Variants in GCNA observed in about 807,000 individuals in gnomAD.
GCNA encodes germ cell nuclear acidic peptidase, also known as germ cell nuclear acidic protein.
A neutral mutation model predicts 38.8 loss-of-function variants in GCNA; 3 were observed. That is an observed-to-expected ratio of 0.08 (90% CI 0.04 to 0.20). The LOEUF (loss-of-function observed/expected upper bound fraction) is 0.20, where lower values mean the gene tolerates loss of function less well. Among genes scored for constraint, GCNA ranks in the 10% least tolerant of loss-of-function variants. GCNA has a pLI of 1.00. For synonymous variants in GCNA, 195 were observed against 240.2 expected (o/e 0.81, Z 1.74); for missense variants, 446 against 578.6 (o/e 0.77, Z 2.35).
chrX:71,602,872 A>G (rs1423710150), intron 7 of GCNA, among the ~76,000 whole-genome samples: 1 of 111,382 alleles, frequency 9.0e-6, no homozygotes, highest in Non-Finnish European at 1.9e-5. Context: ...TGTCCTGGAG[A>G]TTTTCCTCAA....
At chrX:71,606,798 A>G (rs191731159) in intron 9 of GCNA, among the ~76,000 whole-genome samples, 1 of 111,632 alleles carries the variant, frequency 9.0e-6, no homozygotes, top group African/African-American at 3.3e-5. Flanking sequence ...TACATATTTA[A>G]GCTGCTTTGC....
Position 71,603,653 on chromosome X carries a change from G to A in GCNA, c.376G>A (p.Asp126Asn). The A allele has an allele frequency of 8.3e-7, 1 of 1,211,793 alleles. No homozygotes were observed. The highest frequency in any genetic ancestry group is 3.0e-5 in the East Asian group (1 of 33,854). ...IQEPPIVISDDDNDDDNGNDL... is the reference protein window; with the variant it reads ...IQEPPIVISDNDNDDDNGNDL... ...GGAACCTCCAATAGTTATTAGTGAT[G>A]ATGACAATGACGATGACAACGGTAA... The change falls in exon 8 of 13, where the codon GAT (aspartate) becomes AAT (asparagine). Residue 126 changes from aspartate to asparagine, a missense_variant. Physicochemically the swap from Asp to Asn is conservative, Grantham distance 23. Transcript: ENST00000373696.
chrX:71,605,818 T>C, intron 9 of GCNA, 89 bp downstream of exon 9: 2 of 774,711 alleles, frequency 2.6e-6, no homozygotes, highest in East Asian at 7.1e-5. Context: ...GGGGGTGGTC[T>C]GCAAGGGGAT....
chrX:71,594,222 T>G (rs1287687849), intron 4 of GCNA, 109 bp from the exon 5 acceptor site: 4 of 635,752 alleles, frequency 6.3e-6, no homozygotes, highest in Non-Finnish European at 9.7e-6. Flanking sequence ...TTTTTGCATT[T>G]CAGGAATTCT....
chrX:71,604,148 G>T lies in GCNA; in HGVS notation c.871G>T (p.Asp291Tyr), dbSNP rs772620115. The T allele has an allele frequency of 4.1e-6, 5 of 1,207,845 alleles. No homozygotes were observed. Among genetic ancestry groups the T allele is most frequent in the Middle Eastern group, 2.3e-4 (1 of 4,334 alleles). The change falls in exon 8 of 13, where the codon GAT (aspartate) becomes TAT (tyrosine). Residue 291 changes from aspartate (D) to tyrosine (Y), a missense_variant. Asp to Tyr is a radical substitution (Grantham distance 160). Around this residue, in one of 7 missense-constraint regions of GCNA, gnomAD observed 28 missense variants for 77.0 expected, o/e 0.36. Coordinates refer to ENST00000373696, the MANE Select transcript of GCNA (RefSeq NM_052957.5). ...DSEASDDSSD[D>Y]SEASDDSSDD... The stretch of plus-strand genomic sequence containing the variant: ...GGAAGCTTCCGACGACAGCAGTGAT[G>T]ATTCGGAAGCTTCCGACGACAGCAG...
chrX:71,605,666 A>C lies in GCNA; in HGVS notation c.1403A>C (p.His468Pro). ...KTKNVSVTPG[H>P]KKRGPSKKKP... ...ATTATTTTTTCATCTGGTAAAGGACATAAGAAGCGTGGGCCTTCAAAGAAG... is the reference window on the plus strand; with the variant it reads ...ATTATTTTTTCATCTGGTAAAGGACCTAAGAAGCGTGGGCCTTCAAAGAAG... The change falls in exon 9 of 13, where the codon CAT becomes CCT. Residue 468 changes from histidine (H) to proline (P), a missense_variant. This residue lies in a region of GCNA where 160 missense variants were observed against 165.2 expected (regional missense o/e 0.97). Coordinates refer to ENST00000373696, the MANE Select transcript of GCNA (RefSeq NM_052957.5). 3.3e-6 allele frequency: 4 copies of C among 1,209,122 alleles called. No individual in the cohort carries two copies. Among genetic ancestry groups the C allele is most frequent in the Non-Finnish European group, 4.5e-6 (4 of 893,590 alleles).
chrX:71,590,467 T>A (rs1602171583), intron 2 of GCNA, among the ~76,000 whole-genome samples: 1 of 111,988 alleles, frequency 8.9e-6, no homozygotes, highest in East Asian at 2.8e-4. Context: ...TATTGACCCA[T>A]ACATGGGAAA....
At chrX:71,593,073 T>C (rs1318211725) in intron 4 of GCNA, among the ~76,000 whole-genome samples, 1 of 111,195 alleles carries the variant, frequency 9.0e-6, no homozygotes, top group East Asian at 2.8e-4. Context: ...TTTGTATTTT[T>C]AGTAGAGATG....
intron 2 of GCNA, among the ~76,000 whole-genome samples, chrX:71,589,455 T>C (rs1485611040): frequency 2.4e-5 from 1 of 41,936 alleles, no homozygotes; most frequent in African/African-American, 2.1e-4. Context: ...ATTTCCTTTT[T>C]TTTTTTTTTT....
rs2040803863 is a variant in GCNA at position 71,610,754 on chromosome X, T to C, written c.1685T>C (p.Met562Thr). ...GCTGGCTTATGCAGCACTGGTGAGA[T>C]GTGGTACCCAAAGTGGCGGCGCTTT... The part of the protein sequence containing the change: ...KTAGLCSTGE[M>T]WYPKWRRFAK... Residue 562 changes from methionine to threonine, a missense_variant, in exon 11 of 13, where the codon ATG (methionine) becomes ACG (threonine). By Grantham distance (81) the Met-to-Thr change is moderately conservative (BLOSUM62 -1). Transcript: ENST00000373696. The C allele has an allele frequency of 8.2e-7, 1 of 1,212,531 alleles. No individual in the cohort carries two copies.
In GCNA at chrX:71,613,109, C is replaced by A. The variant is rs2040826095; in HGVS notation, c.*127C>A. 5 of 935,123 alleles carry A rather than the reference C, an allele frequency of 5.3e-6. No individual in the cohort carries two copies. In the Admixed American group the frequency reaches 1.4e-4, roughly 26 times the overall value. The allele number at this position is 935,123 out of a possible 1,213,427, so 77.1% of individuals were successfully genotyped here. A position where few individuals can be genotyped will look rare whatever the true frequency, so the allele number is the denominator to read the frequency against. On this transcript the variant is annotated 3_prime_UTR_variant, in exon 13 of 13. Coordinates refer to ENST00000373696, the MANE Select transcript of GCNA (RefSeq NM_052957.5). ...GGCAATGAAGAATTCTTAAGGTTAT[C>A]TTAGAGTATATTAATGTGAGCTATA...
chrX:71,607,359 G>A (rs1283242010), intron 9 of GCNA, among the ~76,000 whole-genome samples: 1 of 111,815 alleles, frequency 8.9e-6, no homozygotes, highest in Non-Finnish European at 1.9e-5. Flanking sequence ...ACTTCCTCAC[G>A]TAGGGTTTAG....
intron 12 of GCNA, 32 bp from the exon 13 acceptor site, chrX:71,612,830 C>A: frequency 8.3e-7 from 1 of 1,204,542 alleles, no homozygotes; most frequent in Non-Finnish European, 1.1e-6. Context: ...GTGACTGATT[C>A]TTTTGTTGTG....
At chrX:71,594,877 T>C in intron 6 of GCNA, 98 bp downstream of exon 6, 1 of 440,940 alleles carries the variant, frequency 2.3e-6, no homozygotes, top group South Asian at 3.4e-5. Flanking sequence ...AAGAGTAAAC[T>C]TCACATTTCC....
intron 1 of GCNA, among the ~76,000 whole-genome samples, chrX:71,579,805 G>C (rs185442544): frequency 9.3e-6 from 1 of 107,169 alleles, no homozygotes; most frequent in East Asian, 3.0e-4. Flanking sequence ...TGGTGGGGTT[G>C]AGGCCTGATT....
intron 2 of GCNA, among the ~76,000 whole-genome samples, chrX:71,582,990 A>G (rs2040557817): frequency 1.8e-5 from 2 of 112,393 alleles, no homozygotes; most frequent in Admixed American, 1.9e-4. Context: ...GAAATGTCCT[A>G]AGAGTCTACT....
At chrX:71,596,326 G>A (rs1339836555) in intron 6 of GCNA, among the ~76,000 whole-genome samples, 1 of 112,160 alleles carries the variant, frequency 8.9e-6, no homozygotes, top group Admixed American at 9.4e-5. Context: ...TATTTCTAAA[G>A]TCTGGTTTAT....
intron 2 of GCNA, among the ~76,000 whole-genome samples, chrX:71,583,692 CTTTTTTTT>C (rs753557808): frequency 1.4e-5 from 1 of 72,657 alleles, no homozygotes; most frequent in Non-Finnish European, 2.6e-5. Flanking sequence ...CTATTATATT[CTTTTTTTT>C]TTTTTTTTTT....
intron 10 of GCNA, among the ~76,000 whole-genome samples, chrX:71,610,100 C>G (rs977017430): frequency 9.0e-6 from 1 of 111,043 alleles, no homozygotes; most frequent in Non-Finnish European, 1.9e-5. Context: ...CCTGCACTCA[C>G]GTGTTCTATC....
Sources: gnomAD v4.1 joint callset for allele counts (sites outside exome capture counted in the v4.1 genomes callset) on GRCh38, gnomAD v4.1.1 for gene constraint, gnomAD v4.1.1 regional missense constraint, MANE v1.5 for transcripts, NCBI Gene and HGNC (gene_info 2026-07-23, HGNC 2026-07-21) for gene names.